Variants in FARS2 observed in about 807,000 individuals in gnomAD.
FARS2 encodes phenylalanine--tRNA ligase, mitochondrial.
A neutral mutation model predicts 46.4 loss-of-function variants in FARS2; 40 were observed. The ratio of observed to expected loss-of-function variants is 0.86; its 90% confidence interval spans 0.67 to 1.12. The LOEUF (loss-of-function observed/expected upper bound fraction) is 1.12, where lower values mean the gene tolerates loss of function less well. Ranked by LOEUF, FARS2 falls within the 50% of genes most tolerant of loss-of-function variation. The pLI, the probability that FARS2 is intolerant of heterozygous loss-of-function variation, is 0.00. For synonymous variants in FARS2, 234 were observed against 214.9 expected (o/e 1.09, Z -0.78); for missense variants, 513 against 567.9 (o/e 0.90, Z 0.98).
At chr6:5,624,194 T>C (rs1002048451) in intron 6 of FARS2, among the ~76,000 whole-genome samples, 1 of 151,942 alleles carries the variant, frequency 6.6e-6, no homozygotes, top group Non-Finnish European at 1.5e-5. Flanking sequence ...CCTGGATATC[T>C]GTTTTCCCCT....
intron 6 of FARS2, among the ~76,000 whole-genome samples, chr6:5,692,623 T>C (rs1360105831): frequency 4.6e-5 from 7 of 152,242 alleles, no homozygotes; most frequent in African/African-American, 1.7e-4. Context: ...TACTGCTTAA[T>C]GGTTAAAAAT....
chr6:5,410,876 C>G (rs1690319632), intron 3 of FARS2, among the ~76,000 whole-genome samples: 1 of 152,062 alleles, frequency 6.6e-6, no homozygotes, highest in Non-Finnish European at 1.5e-5. Flanking sequence ...TTTAAACCAT[C>G]TCTATGATAT....
intron 4 of FARS2, among the ~76,000 whole-genome samples, chr6:5,465,010 C>T (rs1023420783): frequency 7.2e-5 from 11 of 152,186 alleles, no homozygotes; most frequent in South Asian, 6.2e-4. Context: ...GTGGAGAGTG[C>T]GGAAGCTTGA....
chr6:5,534,638 T>C (rs1197764064), intron 4 of FARS2, among the ~76,000 whole-genome samples: 3 of 152,186 alleles, frequency 2.0e-5, no homozygotes, highest in Admixed American at 6.5e-5. Context: ...GTAAGTAACA[T>C]ATTTTGTTTA....
intron 5 of FARS2, among the ~76,000 whole-genome samples, chr6:5,558,078 C>T (rs904951032): frequency 4.6e-5 from 7 of 151,898 alleles, no homozygotes; most frequent in African/African-American, 1.7e-4. Context: ...TTCATATTAA[C>T]GTTCTAGGGA....
rs780570475 is a variant in FARS2 at position 5,368,791 on chromosome 6, T to A, written c.221T>A (p.Val74Asp). 2.5e-6 allele frequency: 4 copies of A among 1,613,814 alleles called. No individual in the cohort carries two copies. The highest frequency in any genetic ancestry group is 2.5e-6 in the Non-Finnish European group (3 of 1,179,952). Residue 74 changes from valine (V) to aspartate (D), a missense_variant, in exon 2 of 7, where the codon GTT becomes GAT. Physicochemically the swap from Val to Asp is radical, Grantham distance 152. Coordinates refer to ENST00000274680, the MANE Select transcript of FARS2 (RefSeq NM_006567.5). ...CTCACCCGGAAGGTCCTCACCAGAG[T>A]TGGCAGGAACCTGCACAACCAGCAG... is the stretch of plus-strand genomic sequence containing the variant. ...SNLTRKVLTRVGRNLHNQQHH... is the reference protein window; with the variant it reads ...SNLTRKVLTRDGRNLHNQQHH...
chr6:5,542,245 C>T (rs969740330), intron 4 of FARS2, among the ~76,000 whole-genome samples: 1 of 152,172 alleles, frequency 6.6e-6, no homozygotes, highest in South Asian at 2.1e-4. Flanking sequence ...TTATTTTACC[C>T]AGCTCCTACT....
At chr6:5,756,767 A>G (rs573905011) in intron 6 of FARS2, among the ~76,000 whole-genome samples, 1 of 152,350 alleles carries the variant, frequency 6.6e-6, no homozygotes, top group Admixed American at 6.5e-5. Context: ...GCATCACTCT[A>G]GAACTTTCTA....
At chr6:5,614,473 G>GCA in intron 6 of FARS2, among the ~76,000 whole-genome samples, 1 of 150,196 alleles carries the variant, frequency 6.7e-6, no homozygotes, top group Non-Finnish European at 1.5e-5. Flanking sequence ...GCAGTGATGC[G>GCA]ATCTCGGCTC....
Position 5,651,432 on chromosome 6 carries a change from G to A in FARS2, c.1217+38112G>A, listed in dbSNP as rs528018713. Among the ~76,000 whole-genome samples, 243 of 152,328 alleles carry A rather than the reference G, an allele frequency of 1.6e-3. 2 individuals are homozygous for A. Among genetic ancestry groups the A allele is most frequent in the African/African-American group, 5.5e-3 (227 of 41,578 alleles). On this transcript the variant is annotated intron_variant, in intron 6 of 6. Coordinates refer to ENST00000274680, the MANE Select transcript of FARS2 (RefSeq NM_006567.5). ...CCAACAGGCCTTCATCTTGGTAGAA[G>A]TCTGGAGATTTATTCTCTGGAGATG...
chr6:5,644,550 A>G (rs1274486926), intron 6 of FARS2, among the ~76,000 whole-genome samples: 1 of 152,030 alleles, frequency 6.6e-6, no homozygotes, highest in Admixed American at 6.6e-5. Context: ...AGACAGCTGC[A>G]AGAATGCCAG....
chr6:5,387,743 C>G (rs1470155174), intron 2 of FARS2, among the ~76,000 whole-genome samples: 1 of 152,210 alleles, frequency 6.6e-6, no homozygotes, highest in East Asian at 1.9e-4. Context: ...TTCTAGAGCT[C>G]TTTCCTCATT....
rs192560112 is a variant in FARS2 at position 5,298,827 on chromosome 6, C to T, written c.-22+37167C>T. Among the ~76,000 whole-genome samples, 129 of 141,476 alleles carry T rather than the reference C, an allele frequency of 9.1e-4. No homozygotes were observed. In the East Asian group the frequency reaches 0.019, roughly 21 times the overall value. 92.8% of individuals were successfully genotyped at this position (141,476 alleles called of 152,430 possible). A position where few individuals can be genotyped will look rare whatever the true frequency, so the allele number is the denominator to read the frequency against. On this transcript the variant is annotated intron_variant, in intron 1 of 6. Transcript: ENST00000274680. ...GCAGTGAGCCGAGATCGTGCCACCG[C>T]ACTGCAGCCTGGGCAACAGAGCAAA...
At chr6:5,260,970 T>C, upstream of FARS2, 6 of 1,239,974 alleles carry the variant, frequency 4.8e-6, no homozygotes, top group Non-Finnish European at 6.1e-6. Flanking sequence ...AAGGGGGCGG[T>C]GCTGGGAGGG....
intron 6 of FARS2, among the ~76,000 whole-genome samples, chr6:5,693,975 A>G (rs1434070575): frequency 6.6e-6 from 1 of 152,250 alleles, no homozygotes; most frequent in Admixed American, 6.5e-5. Flanking sequence ...GGGAGCAGTC[A>G]TAAAAGCCCA....
At chr6:5,576,895 C>T (rs1166494091) in intron 5 of FARS2, among the ~76,000 whole-genome samples, 2 of 151,966 alleles carry the variant, frequency 1.3e-5, no homozygotes, top group Admixed American at 6.6e-5. Flanking sequence ...CCCTTTCCAG[C>T]TGCCTCCTAT....
chr6:5,691,357 A>G (rs1757701466), intron 6 of FARS2, among the ~76,000 whole-genome samples: 1 of 152,056 alleles, frequency 6.6e-6, no homozygotes, highest in Non-Finnish European at 1.5e-5. Context: ...TGACGTACAG[A>G]TGGGGTTTTG....
chr6:5,508,503 AGATCT>A (rs1263379242), intron 4 of FARS2, among the ~76,000 whole-genome samples: 3 of 145,460 alleles, frequency 2.1e-5, no homozygotes, highest in Non-Finnish European at 4.5e-5. Flanking sequence ...AATTAGCAGG[AGATCT>A]TCTTGGGGAA....
At chr6:5,593,816 G>C (rs1036652748) in intron 5 of FARS2, among the ~76,000 whole-genome samples, 1 of 152,196 alleles carries the variant, frequency 6.6e-6, no homozygotes, top group Non-Finnish European at 1.5e-5. Flanking sequence ...GATGGTCGGA[G>C]AGTCCTGTGC....
Sources: allele counts gnomAD v4.1 joint callset (sites outside exome capture counted in the v4.1 genomes callset), GRCh38; gene constraint gnomAD v4.1.1; transcripts MANE v1.5; gene names NCBI Gene and HGNC (gene_info 2026-07-23, HGNC 2026-07-21).